BARX2: variants seen among roughly 807,000 people sequenced by gnomAD.
The protein encoded by BARX2 is homeobox protein BarH-like 2.
A neutral mutation model predicts 25.5 loss-of-function variants in BARX2; 11 were observed. The ratio of observed to expected loss-of-function variants is 0.43; its 90% CI spans 0.27 to 0.71. The LOEUF is 0.71. Among genes scored for constraint, BARX2 ranks in the 30% least tolerant of loss-of-function variants. The probability of loss-of-function intolerance (pLI) is 0.19; values close to 1 mark genes in which losing one functional copy is unlikely to be tolerated. For synonymous variants in BARX2, 137 were observed against 149.5 expected, an observed-to-expected ratio of 0.92 and a Z score of 0.61; for missense variants, 360 against 359.9, an observed-to-expected ratio of 1.00 and a Z score of 0.00.
At chr11:129,424,575 C>T (rs1862043411) in intron 1 of BARX2, among the ~76,000 whole-genome samples, 1 of 152,274 alleles carries the variant, frequency 6.6e-6, no homozygotes, top group East Asian at 1.9e-4. Flanking sequence ...ACTGTACTCT[C>T]TAGAATTCCT....
At chr11:129,400,306 T>C (rs562213145) in intron 1 of BARX2, among the ~76,000 whole-genome samples, 1 of 152,086 alleles carries the variant, frequency 6.6e-6, no homozygotes, top group East Asian at 1.9e-4. Flanking sequence ...GTGAAAAAGG[T>C]AATAAGCATG....
chr11:129,381,070 C>T (rs889950338), intron 1 of BARX2, among the ~76,000 whole-genome samples: 8 of 152,114 alleles, frequency 5.3e-5, no homozygotes, highest in South Asian at 2.1e-4. Flanking sequence ...CCATCGCGCC[C>T]GCTGTGAAGT....
At chr11:129,401,781 C>A (rs773956932) in intron 1 of BARX2, among the ~76,000 whole-genome samples, 209 of 152,132 alleles carry the variant, frequency 1.4e-3, no homozygotes, top group Middle Eastern at 3.4e-3. Flanking sequence ...CATGGTGAAA[C>A]CCCGTCTCTG....
chr11:129,384,604 C>T (rs1410121795), intron 1 of BARX2, among the ~76,000 whole-genome samples: 1 of 152,188 alleles, frequency 6.6e-6, no homozygotes, highest in Non-Finnish European at 1.5e-5. Context: ...TGACTTTGCA[C>T]ATTTCCTAAT....
At chr11:129,375,530 C>A (rs966819312), upstream of BARX2, among the ~76,000 whole-genome samples, 2 of 152,080 alleles carry the variant, frequency 1.3e-5, no homozygotes, top group Non-Finnish European at 2.9e-5. The surrounding 1 kb of genome is among the most constrained non-coding windows in gnomAD (Gnocchi z 4.0). Flanking sequence ...CGGGCTGGGG[C>A]GGTGCGCGCT....
chr11:129,414,223 A>AT (rs146268403), intron 1 of BARX2, among the ~76,000 whole-genome samples: 7,138 of 151,958 alleles, frequency 0.047, 369 homozygotes, highest in South Asian at 0.15. Flanking sequence ...GCAAATTGTG[A>AT]TTTTTTTCTG....
At chr11:129,432,179 C>T (rs894082936) in intron 1 of BARX2, among the ~76,000 whole-genome samples, 50 of 152,208 alleles carry the variant, frequency 3.3e-4, no homozygotes, top group African/African-American at 1.2e-3. Flanking sequence ...TCTTATGACT[C>T]AGCCTCACAA....
chr11:129,411,007 G>A (rs1370181791), intron 1 of BARX2, among the ~76,000 whole-genome samples: 4 of 152,280 alleles, frequency 2.6e-5, no homozygotes, highest in African/African-American at 9.6e-5. Context: ...AAATAGGTCT[G>A]TAATACACAG....
At position 129,376,481 on chromosome 11, in the gene BARX2, C is replaced by A; in HGVS notation, c.187+259C>A. Among the ~76,000 whole-genome samples, 1 of 152,216 alleles carries A rather than the reference C, an allele frequency of 6.6e-6. No homozygotes were observed. The highest frequency in any genetic ancestry group is 1.9e-4 in the East Asian group (1 of 5,190). On this transcript the variant is annotated intron_variant, in intron 1 of 3. Transcript: ENST00000281437. The surrounding 1 kb of genome is among the most constrained non-coding windows in gnomAD (Gnocchi z 4.2). ...TCGCGCAACGCCTGATTGTCCTGCT[C>A]GGAGGAGAACGCTTCCTCGTTTCCT...
At chr11:129,386,889 A>G (rs1861621202) in intron 1 of BARX2, among the ~76,000 whole-genome samples, 1 of 152,214 alleles carries the variant, frequency 6.6e-6, no homozygotes, top group African/African-American at 2.4e-5. Flanking sequence ...CTGCCTAAAC[A>G]AATACATAGA....
At chr11:129,442,656 T>G in intron 2 of BARX2, 179 bp from the exon 3 acceptor site, 1 of 662,774 alleles carries the variant, frequency 1.5e-6, no homozygotes. Flanking sequence ...CTTCCCAGAG[T>G]TTCCTCTGTT....
At chr11:129,420,272 C>G (rs1222565870) in intron 1 of BARX2, among the ~76,000 whole-genome samples, 4 of 152,124 alleles carry the variant, frequency 2.6e-5, no homozygotes, top group Non-Finnish European at 4.4e-5. Context: ...AGCTGTGAAT[C>G]TTGGATACAC....
chr11:129,379,039 C>T (rs768371690), intron 1 of BARX2, among the ~76,000 whole-genome samples: 12 of 152,128 alleles, frequency 7.9e-5, no homozygotes, highest in Non-Finnish European at 2.9e-5. Flanking sequence ...TTGATGGAAT[C>T]CTCACCTTCC....
chr11:129,445,437 G>A (rs995675220), intron 3 of BARX2, among the ~76,000 whole-genome samples: 8 of 152,230 alleles, frequency 5.3e-5, no homozygotes, highest in African/African-American at 1.9e-4. Context: ...CGTCTCTGAC[G>A]TCACTTGTTT....
intron 1 of BARX2, among the ~76,000 whole-genome samples, chr11:129,407,295 T>G (rs551902382): frequency 7.2e-5 from 11 of 152,334 alleles, no homozygotes; most frequent in African/African-American, 2.4e-4. Flanking sequence ...GTTGAGCACC[T>G]GTTTTGCGTA....
chr11:129,384,250 A>G (rs1305583693), intron 1 of BARX2, among the ~76,000 whole-genome samples: 1 of 151,798 alleles, frequency 6.6e-6, no homozygotes, highest in Non-Finnish European at 1.5e-5. Flanking sequence ...TTTTTAAAAA[A>G]CCAACATATG....
intron 1 of BARX2, among the ~76,000 whole-genome samples, chr11:129,428,281 G>A (rs1862090041): frequency 6.6e-6 from 1 of 152,152 alleles, no homozygotes; most frequent in African/African-American, 2.4e-5. Flanking sequence ...GGGTAGCAGG[G>A]CAGCTGTCCC....
At chr11:129,432,959 T>G (rs1862145933) in intron 1 of BARX2, among the ~76,000 whole-genome samples, 1 of 152,084 alleles carries the variant, frequency 6.6e-6, no homozygotes, top group African/African-American at 2.4e-5. Context: ...AGCCCTTGTA[T>G]TTCTTCATTT....
Position 129,436,111 on chromosome 11 carries a change from A to G in BARX2, c.188-640A>G, listed in dbSNP as rs1015127466. The G allele has an allele frequency of 2.6e-5, 4 of 152,240 alleles. No individual in the cohort carries two copies. Among genetic ancestry groups the G allele is most frequent in the Non-Finnish European group, 4.4e-5 (3 of 68,042 alleles). 9.4% of individuals were successfully genotyped at this position (152,240 alleles called of 1,614,324 possible). A position where few individuals can be genotyped will look rare whatever the true frequency, so the allele number is the denominator to read the frequency against. On this transcript the variant is annotated intron_variant, in intron 1 of 3. Coordinates refer to ENST00000281437, the MANE Select transcript of BARX2 (RefSeq NM_003658.5). The surrounding 1 kb of genome is among the most constrained non-coding windows in gnomAD (Gnocchi z 4.5). ...ATGTGATTCATGATGTGCTGATAGC[A>G]TGGGACTTCAAGTCAGAAGAACTTG...
Sources: gnomAD v4.1 joint callset for allele counts (sites outside exome capture counted in the v4.1 genomes callset) on GRCh38, gnomAD v4.1.1 for gene constraint, Gnocchi (gnomAD v3.1) non-coding constraint, MANE v1.5 for transcripts, NCBI Gene and HGNC (gene_info 2026-07-23, HGNC 2026-07-21) for gene names.